The following CHTOP variants were observed in gnomAD, a reference collection of about 807,000 sequenced individuals.
CHTOP encodes chromatin target of PRMT1 protein.
Under a neutral mutation model 33.6 loss-of-function variants are expected in CHTOP, and 18 were observed. That is an observed-to-expected ratio of 0.54 (90% CI 0.37 to 0.80). CHTOP has a LOEUF of 0.80. Ranked by LOEUF, CHTOP falls within the 30% of genes least tolerant of loss-of-function variation. The pLI is 0.00. For missense variants in CHTOP, 263 were observed against 336.8 expected, an observed-to-expected ratio of 0.78 and a Z score of 1.71; for synonymous variants, 117 against 127.7, an observed-to-expected ratio of 0.92 and a Z score of 0.56.
chr1:153,642,865 T>TA (rs1668677340), intron 4 of CHTOP: 1 of 299,298 alleles, frequency 3.3e-6, no homozygotes, highest in African/African-American at 2.3e-5. Context: ...GGGGCACTAT[T>TA]ACTCTGTTCC....
intron 1 of CHTOP, among the ~76,000 whole-genome samples, chr1:153,635,489 CAT>C (rs1668342652): frequency 1.3e-5 from 2 of 151,268 alleles, no homozygotes; most frequent in African/African-American, 4.9e-5. Flanking sequence ...TTGGATAAGT[CAT>C]ATGTAGTCAA....
chr1:153,634,868 G>GTT lies in CHTOP; in HGVS notation c.-18+525_-18+526insTT, dbSNP rs1557936187. On this transcript the variant is annotated intron_variant, in intron 1 of 5. Transcript: ENST00000368694. ...CATATATATATATATTTTTTTTTGG[G>GTT]GGGGGACGGAGTTTCGCTCTTGTTG... Among the ~76,000 whole-genome samples the GTT allele has an allele frequency of 4.5e-5, 6 of 134,634 alleles. 1 individual carries two copies. Among genetic ancestry groups the GTT allele is most frequent in the African/African-American group, 1.8e-4 (6 of 32,884 alleles). The allele number at this position is 134,634 out of a possible 152,430, so 88.3% of individuals were successfully genotyped here. A position where few individuals can be genotyped will look rare whatever the true frequency, so the allele number is the denominator to read the frequency against.
chr1:153,641,177 G>A (rs952305389), intron 3 of CHTOP, among the ~76,000 whole-genome samples: 1 of 152,242 alleles, frequency 6.6e-6, no homozygotes, highest in Non-Finnish European at 1.5e-5. Context: ...ATGCTTCACA[G>A]CATCTTTTTG....
chr1:153,641,433 A>T (rs1571319426), intron 3 of CHTOP, among the ~76,000 whole-genome samples: 1 of 152,188 alleles, frequency 6.6e-6, no homozygotes, highest in African/African-American at 2.4e-5. Flanking sequence ...CTATCTCTGT[A>T]GTGTGTCCTT....
intron 1 of CHTOP, among the ~76,000 whole-genome samples, 163 bp from the exon 2 acceptor site, chr1:153,636,409 C>A (rs80290962): frequency 3.0e-3 from 363 of 122,458 alleles, no homozygotes; most frequent in Middle Eastern, 4.1e-3. Flanking sequence ...GACCCTGTCT[C>A]AAAAAAAAAA....
At chr1:153,634,812 G>GCATGCATATATATATGTATATATATA (rs771250942) in intron 1 of CHTOP, among the ~76,000 whole-genome samples, 264 of 150,838 alleles carry the variant, frequency 1.8e-3, no homozygotes, top group Non-Finnish European at 2.3e-3. Flanking sequence ...TTGAAACTAG[G>GCATGCATATATATATGTATATATATA]CATGCATATA....
Position 153,645,392 on chromosome 1 carries a change from T to TA in CHTOP, c.*124dup, listed in dbSNP as rs1668777404. On this transcript the variant is annotated 3_prime_UTR_variant, in exon 6 of 6. Transcript: ENST00000368694. ...GACCTATCACAATAGGCTGTGGACT[T>TA]ACTTGCCACCAGCTTGTGCATTTAG... is the stretch of plus-strand genomic sequence containing the variant. The TA allele has an allele frequency of 5.7e-6, 5 of 882,240 alleles. No individual in the cohort carries two copies. The highest frequency in any genetic ancestry group is 8.6e-6 in the Non-Finnish European group (5 of 580,752). The allele number at this position is 882,240 out of a possible 1,614,324, so 54.7% of individuals were successfully genotyped here.
At position 153,636,424 on chromosome 1, in the gene CHTOP, A is replaced by AC. The variant is rs1668406369; in HGVS notation, c.-17-148_-17-147insC. ...GACCCTGTCTCAAAAAAAAAAAAAAAAGAAATTTAAGCACTTGAAATGTGC... is the reference window on the plus strand; with the variant it reads ...GACCCTGTCTCAAAAAAAAAAAAAAACAGAAATTTAAGCACTTGAAATGTGC... On this transcript the variant is annotated intron_variant, in intron 1 of 5. Transcript: ENST00000368694. 1.9e-5 allele frequency: 10 copies of AC among 534,420 alleles called. No homozygotes were observed. In the South Asian group the frequency reaches 2.5e-4, roughly 13 times the overall value. The allele number at this position is 534,420 out of a possible 1,614,324, so 33.1% of individuals were successfully genotyped here.
rs992512339 is a variant in CHTOP at position 153,642,331 on chromosome 1, G to T, written c.305G>T (p.Gly102Val). 1 of 1,614,050 alleles carries T rather than the reference G, an allele frequency of 6.2e-7. No homozygotes were observed. The highest frequency in any genetic ancestry group is 8.5e-7 in the Non-Finnish European group (1 of 1,180,026). Residue 102 changes from glycine (G) to valine (V), a missense_variant, in exon 4 of 6, where the codon GGA (glycine) becomes GTA (valine). Around this residue, in one of 3 missense-constraint regions of CHTOP, gnomAD observed 168 missense variants for 179.9 expected, o/e 0.93. Transcript: ENST00000368694. ...GCCCTGGCCAGGGGAGCAATCGGAG[G>T]ACGAGGCCTACCCATAATCCAGAGA... Reference protein sequence around the residue: ...IGALARGAIGGRGLPIIQRGL... With the variant: ...IGALARGAIGVRGLPIIQRGL...
intron 1 of CHTOP, among the ~76,000 whole-genome samples, chr1:153,634,856 ATT>A (rs146354266): frequency 5.0e-5 from 5 of 100,128 alleles, no homozygotes; most frequent in African/African-American, 1.8e-4. Flanking sequence ...ATATATATAT[ATT>A]TTTTTTTGGG....
chr1:153,645,567 T>C lies in CHTOP; in HGVS notation c.*298T>C. On this transcript the variant is annotated 3_prime_UTR_variant, in exon 6 of 6. Coordinates refer to ENST00000368694, the MANE Select transcript of CHTOP (RefSeq NM_015607.4). ...AACACAAATGCATTAGCCTTGTGGC[T>C]AGAACACCCTCTTCCTACCTCTGTC... is the stretch of plus-strand genomic sequence containing the variant. 2.5e-6 allele frequency: 1 copy of C among 404,332 alleles called. No individual in the cohort carries two copies. Among genetic ancestry groups the C allele is most frequent in the South Asian group, 3.2e-5 (1 of 31,570 alleles). The allele number at this position is 404,332 out of a possible 1,614,324, so 25.0% of individuals were successfully genotyped here.
At chr1:153,643,523 T>C in intron 5 of CHTOP, 159 bp downstream of exon 5, 1 of 720,258 alleles carries the variant, frequency 1.4e-6, no homozygotes, top group South Asian at 3.1e-5. Flanking sequence ...ACCATGCTGG[T>C]AGTGCAAAAG....
rs992337386 is a variant in CHTOP, at chr1:153,646,282, A to G, written c.*1013A>G. 8 of 152,062 alleles carry G rather than the reference A, an allele frequency of 5.3e-5. No homozygotes were observed. Among genetic ancestry groups the G allele is most frequent in the African/African-American group, 1.9e-4 (8 of 41,400 alleles). 9.4% of individuals were successfully genotyped at this position (152,062 alleles called of 1,614,324 possible). Reference sequence around the variant, plus strand: ...TGGAATCTTGTATTTCTGGTTCATTATAACAAACTGTTCGCTTAAATCCAC... The same window carrying G: ...TGGAATCTTGTATTTCTGGTTCATTGTAACAAACTGTTCGCTTAAATCCAC... On this transcript the variant is annotated 3_prime_UTR_variant, in exon 6 of 6. Transcript: ENST00000368694.
At chr1:153,639,439 G>A in intron 3 of CHTOP, 1 of 977,672 alleles carries the variant, frequency 1.0e-6, no homozygotes, top group Non-Finnish European at 1.2e-6. Context: ...CTGGAGGGCA[G>A]TGCCATGCAA....
Position 153,645,297 on chromosome 1 carries a change from C to G in CHTOP, c.*28C>G, listed in dbSNP as rs11680. On this transcript the variant is annotated 3_prime_UTR_variant, in exon 6 of 6. Coordinates refer to ENST00000368694, the MANE Select transcript of CHTOP (RefSeq NM_015607.4). ...CCTGCCCATCCTCCCATGAGAGACTCTTGTTAGTCAACACATCTGTAAATA... is the reference window on the plus strand; with the variant it reads ...CCTGCCCATCCTCCCATGAGAGACTGTTGTTAGTCAACACATCTGTAAATA... 0.058 allele frequency: 93,743 copies of G among 1,606,466 alleles called. 3,160 individuals carry two copies. The highest frequency in any genetic ancestry group is 0.066 in the Non-Finnish European group (77,664 of 1,173,944).
Position 153,642,300 on chromosome 1 carries a change from A to C in CHTOP, c.274A>C (p.Ile92Leu). The C allele has an allele frequency of 6.2e-7, 1 of 1,614,154 alleles. No homozygotes were observed. Among genetic ancestry groups the C allele is most frequent in the East Asian group, 2.2e-5 (1 of 44,874 alleles). ...CATCCAGGCACGGTTAGGCCGACCC[A>C]TAGGGGCCCTGGCCAGGGGAGCAAT... is the stretch of plus-strand genomic sequence containing the variant. ...SNIQARLGRP[I>L]GALARGAIGG... The change falls in exon 4 of 6, where the codon ATA (isoleucine) becomes CTA (leucine). Residue 92 changes from isoleucine (I) to leucine (L), a missense_variant. By Grantham distance (5) the Ile-to-Leu change is conservative. Transcript: ENST00000368694.
intron 3 of CHTOP, among the ~76,000 whole-genome samples, chr1:153,640,446 G>A (rs923555646): frequency 1.3e-5 from 2 of 152,116 alleles, no homozygotes; most frequent in African/African-American, 4.8e-5. Context: ...TCCAGCTTGG[G>A]TGACAGTGAG....
intron 2 of CHTOP, 157 bp from the exon 3 acceptor site, chr1:153,638,138 A>T (rs1668480130): frequency 4.5e-6 from 3 of 673,996 alleles, no homozygotes; most frequent in Non-Finnish European, 5.1e-6. Context: ...TTGTGGAAAC[A>T]GAGGAGTCTT....
intron 3 of CHTOP, among the ~76,000 whole-genome samples, chr1:153,640,720 A>C (rs1668590397): frequency 6.6e-6 from 1 of 152,182 alleles, no homozygotes; most frequent in African/African-American, 2.4e-5. Context: ...GCAGTGAGCC[A>C]AGATCGTGTC....
Sources: gnomAD v4.1 joint callset for allele counts (sites outside exome capture counted in the v4.1 genomes callset) on GRCh38, gnomAD v4.1.1 for gene constraint, gnomAD v4.1.1 regional missense constraint, MANE v1.5 for transcripts, NCBI Gene and HGNC (gene_info 2026-07-23, HGNC 2026-07-21) for gene names.